Variants in HERPUD2 observed in about 807,000 individuals in gnomAD.
HERPUD2 encodes the protein HERPUD family member 2.
Under a neutral mutation model 49.9 loss-of-function variants are expected in HERPUD2, and 13 were observed. That is an observed-to-expected ratio of 0.26 (90% CI 0.17 to 0.41). The LOEUF (loss-of-function observed/expected upper bound fraction) is 0.41. HERPUD2 is among the 10% of genes least tolerant of loss of function. HERPUD2 has a pLI of 1.00. For missense variants in HERPUD2, 449 were observed against 492.2 expected (o/e 0.91, Z 0.83); for synonymous variants, 172 against 171.4 (o/e 1.00, Z -0.03).
chr7:35,640,225 A>C (rs1460948456), intron 5 of HERPUD2, among the ~76,000 whole-genome samples: 2 of 152,224 alleles, frequency 1.3e-5, no homozygotes, highest in Non-Finnish European at 2.9e-5. Context: ...GTATTACAGC[A>C]ATATGCTGTA....
intron 3 of HERPUD2, among the ~76,000 whole-genome samples, chr7:35,671,403 G>C (rs1358635717): frequency 6.6e-6 from 1 of 152,000 alleles, no homozygotes; most frequent in Non-Finnish European, 1.5e-5. Context: ...AGGCTTCAGA[G>C]ACAGCATGAC....
intron 5 of HERPUD2, among the ~76,000 whole-genome samples, chr7:35,664,816 C>A (rs1785502941): frequency 6.6e-6 from 1 of 152,136 alleles, no homozygotes; most frequent in African/African-American, 2.4e-5. Flanking sequence ...GGTTTTTAAG[C>A]TTCTTTGTGA....
chr7:35,668,156 TC>T (rs1332667753), intron 4 of HERPUD2, among the ~76,000 whole-genome samples: 2 of 152,218 alleles, frequency 1.3e-5, no homozygotes, highest in Admixed American at 1.3e-4. Context: ...TCACTTAACC[TC>T]TCAGAGTTTC....
At chr7:35,677,211 T>C (rs1270921871) in intron 2 of HERPUD2, among the ~76,000 whole-genome samples, 1 of 152,204 alleles carries the variant, frequency 6.6e-6, no homozygotes, top group Non-Finnish European at 1.5e-5. Flanking sequence ...CTCCTTTTCT[T>C]ACATAAAAAG....
At chr7:35,654,720 G>C (rs1417930390) in intron 5 of HERPUD2, among the ~76,000 whole-genome samples, 1 of 150,014 alleles carries the variant, frequency 6.7e-6, no homozygotes, top group Non-Finnish European at 1.5e-5. Context: ...CTGTTGCCCA[G>C]GCTGGAGTGC....
intron 4 of HERPUD2, 42 bp from the exon 5 acceptor site, chr7:35,667,630 T>G (rs1785564993): frequency 6.7e-7 from 1 of 1,490,746 alleles, no homozygotes; most frequent in East Asian, 2.3e-5. Flanking sequence ...ATTTAGTTCT[T>G]TACAATCATA....
chr7:35,635,413 G>A lies in HERPUD2; in HGVS notation c.663C>T (p.Thr221=). 3 of 1,614,066 alleles carry A rather than the reference G, an allele frequency of 1.9e-6. No individual in the cohort carries two copies. The highest frequency in any genetic ancestry group is 1.1e-5 in the South Asian group (1 of 91,080). The change falls in exon 7 of 9, where the codon ACC becomes ACT. Residue 221 remains threonine, a synonymous_variant. Transcript: ENST00000311350. ...TTAGAGGCTGTGAAGTAGTAGGCTG[G>A]GTTGGGTTGACATTTGATGTGGCCT... ...SAQATSNVNP[T]QPTTSQPLNL...
intron 5 of HERPUD2, among the ~76,000 whole-genome samples, chr7:35,649,697 A>G (rs1428809319): frequency 6.6e-6 from 1 of 152,210 alleles, no homozygotes; most frequent in Admixed American, 6.5e-5. Context: ...TGGGTGAATT[A>G]TTATCAATAG....
At chr7:35,640,072 T>A (rs954910123) in intron 5 of HERPUD2, among the ~76,000 whole-genome samples, 1 of 152,202 alleles carries the variant, frequency 6.6e-6, no homozygotes, top group Non-Finnish European at 1.5e-5. Flanking sequence ...TTTAAAAAGA[T>A]GTCAGTTAGT....
intron 2 of HERPUD2, among the ~76,000 whole-genome samples, chr7:35,679,514 A>C (rs1404339393): frequency 6.6e-6 from 1 of 151,358 alleles, no homozygotes; most frequent in East Asian, 1.9e-4. Flanking sequence ...GAAAGGAGAA[A>C]GACAGACACC....
chr7:35,650,258 G>C (rs1189662689), intron 5 of HERPUD2, among the ~76,000 whole-genome samples: 4 of 152,152 alleles, frequency 2.6e-5, no homozygotes, highest in Non-Finnish European at 4.4e-5. Context: ...GGAGAGGGAA[G>C]CAAGGCAGCC....
chr7:35,681,633 C>T (rs1300699730), intron 2 of HERPUD2, among the ~76,000 whole-genome samples: 3 of 152,006 alleles, frequency 2.0e-5, no homozygotes, highest in African/African-American at 2.4e-5. Flanking sequence ...TATATGCACA[C>T]ACGGAATATT....
chr7:35,676,061 A>G (rs1171510624), intron 2 of HERPUD2, among the ~76,000 whole-genome samples: 1 of 152,192 alleles, frequency 6.6e-6, no homozygotes, highest in South Asian at 2.1e-4. Flanking sequence ...TGTAATATCC[A>G]ATGCAGCTCA....
At position 35,633,658 on chromosome 7, in the gene HERPUD2, G is replaced by A; in HGVS notation, c.*32C>T. ...TATTTAAACCACTTTCCTGAAGTCA[G>A]ACCCTCCTTGTAGCTGGCACAGTTT... On this transcript the variant is annotated 3_prime_UTR_variant, in exon 9 of 9. Coordinates refer to ENST00000311350, the MANE Select transcript of HERPUD2 (RefSeq NM_022373.5). 1 of 1,597,478 alleles carries A rather than the reference G, an allele frequency of 6.3e-7. No individual in the cohort carries two copies. Among genetic ancestry groups the A allele is most frequent in the South Asian group, 1.1e-5 (1 of 88,556 alleles).
rs1785558596 is a variant in HERPUD2, at chr7:35,667,414, G to A, written c.494+20C>T. 1.3e-6 allele frequency: 2 copies of A among 1,598,460 alleles called. No homozygotes were observed. The highest frequency in any genetic ancestry group is 1.1e-5 in the South Asian group (1 of 89,622). On this transcript the variant is annotated intron_variant, in intron 5 of 8. Transcript: ENST00000311350. Reference sequence around the variant, plus strand: ...TAGGGGGCCCCAATCACATTCCATAGCTACCACAATTTCACTTACCCTTGC... The same window carrying A: ...TAGGGGGCCCCAATCACATTCCATAACTACCACAATTTCACTTACCCTTGC...
At chr7:35,680,864 C>T (rs1785873956) in intron 2 of HERPUD2, among the ~76,000 whole-genome samples, 1 of 152,208 alleles carries the variant, frequency 6.6e-6, no homozygotes, top group Non-Finnish European at 1.5e-5. Flanking sequence ...GGGTCCGTAG[C>T]CATCTTGCTT....
At chr7:35,651,366 G>A (rs780775053) in intron 5 of HERPUD2, among the ~76,000 whole-genome samples, 2 of 152,032 alleles carry the variant, frequency 1.3e-5, no homozygotes, top group African/African-American at 4.8e-5. Flanking sequence ...CACTGCCATC[G>A]CTGGGACCTA....
At position 35,632,740 on chromosome 7, in the gene HERPUD2, T is replaced by G. The variant is rs1784799141; in HGVS notation, c.*950A>C. ...TTTTTTTATAAAAGTACTGCCTATATCAAACATTTTATATCACGTTAATTC... is the reference window on the plus strand; with the variant it reads ...TTTTTTTATAAAAGTACTGCCTATAGCAAACATTTTATATCACGTTAATTC... On this transcript the variant is annotated 3_prime_UTR_variant, in exon 9 of 9. Transcript: ENST00000311350. 1 of 152,612 alleles carries G rather than the reference T, an allele frequency of 6.6e-6. No individual in the cohort carries two copies. Among genetic ancestry groups the G allele is most frequent in the Non-Finnish European group, 1.5e-5 (1 of 68,040 alleles). 9.5% of individuals were successfully genotyped at this position (152,612 alleles called of 1,614,324 possible). A position where few individuals can be genotyped will look rare whatever the true frequency, so the allele number is the denominator to read the frequency against.
intron 2 of HERPUD2, among the ~76,000 whole-genome samples, chr7:35,681,676 C>G (rs1338651906): frequency 1.3e-5 from 2 of 152,036 alleles, no homozygotes; most frequent in African/African-American, 2.4e-5. Context: ...AATACTGACA[C>G]ATGCTATAAT....
Sources: gnomAD v4.1 joint callset for allele counts (sites outside exome capture counted in the v4.1 genomes callset) on GRCh38, gnomAD v4.1.1 for gene constraint, MANE v1.5 for transcripts, NCBI Gene and HGNC (gene_info 2026-07-23, HGNC 2026-07-21) for gene names.